ITPR1: variants seen among roughly 807,000 people sequenced by gnomAD.
The protein encoded by ITPR1 is inositol 1,4,5-trisphosphate receptor type 1.
A neutral mutation model predicts 318.4 loss-of-function variants in ITPR1; 96 were observed. The observed-to-expected ratio is 0.30, with a 90% CI of 0.26 to 0.36. ITPR1 has a LOEUF of 0.36. Among genes scored for constraint, ITPR1 ranks in the 10% least tolerant of loss-of-function variants. ITPR1 has a pLI of 1.00. For synonymous variants in ITPR1, 1,312 were observed against 1,289.9 expected (o/e 1.02, Z -0.37); for missense variants, 2,440 against 3,460.2 (o/e 0.71, Z 7.40).
intron 44 of ITPR1, among the ~76,000 whole-genome samples, chr3:4,737,484 T>G (rs2043360643): frequency 6.6e-6 from 1 of 152,068 alleles, no homozygotes; most frequent in South Asian, 2.1e-4. Flanking sequence ...CCCAGAGGTG[T>G]GAGAGCAGCA....
intron 30 of ITPR1, among the ~76,000 whole-genome samples, chr3:4,687,524 A>G (rs987958923): frequency 1.3e-5 from 2 of 152,160 alleles, no homozygotes; most frequent in Admixed American, 6.5e-5. Context: ...CCTACCTGCT[A>G]TCCTCTCTTG....
At chr3:4,499,509 G>T (rs304065) in intron 2 of ITPR1, among the ~76,000 whole-genome samples, 1 of 151,676 alleles carries the variant, frequency 6.6e-6, no homozygotes, top group Non-Finnish European at 1.5e-5. Flanking sequence ...ATAGATATTT[G>T]TAAAAAATAC....
At chr3:4,585,819 T>A (rs1004667686) in intron 4 of ITPR1, among the ~76,000 whole-genome samples, 1 of 152,158 alleles carries the variant, frequency 6.6e-6, no homozygotes, top group African/African-American at 2.4e-5. Flanking sequence ...GTGCAGAACG[T>A]GCAGTTTTGT....
At chr3:4,597,289 G>T (rs1329494642) in intron 4 of ITPR1, among the ~76,000 whole-genome samples, 1 of 152,198 alleles carries the variant, frequency 6.6e-6, no homozygotes, top group East Asian at 1.9e-4. Context: ...TTGGCTTGAA[G>T]TCAACCAGCT....
intron 60 of ITPR1, chr3:4,830,814 ACCCATCTTCTCC>A (rs1054450429): frequency 4.0e-5 from 16 of 396,702 alleles, no homozygotes; most frequent in Non-Finnish European, 7.0e-5. Flanking sequence ...TTTTTCTAGG[ACCCATCTTCTCC>A]CCCATGACCC....
chr3:4,716,073 A>G (rs1300736937), intron 39 of ITPR1, among the ~76,000 whole-genome samples: 1 of 152,216 alleles, frequency 6.6e-6, no homozygotes, highest in African/African-American at 2.4e-5. Context: ...ACATTTTTGC[A>G]TGATGCTTAT....
At chr3:4,767,896 A>T (rs962438081) in intron 45 of ITPR1, among the ~76,000 whole-genome samples, 2 of 152,212 alleles carry the variant, frequency 1.3e-5, no homozygotes. Context: ...TCCATTTTAC[A>T]GATGAGGGGA....
intron 4 of ITPR1, among the ~76,000 whole-genome samples, chr3:4,542,688 G>GGT (rs1016588056): frequency 6.6e-6 from 1 of 151,870 alleles, no homozygotes; most frequent in Non-Finnish European, 1.5e-5. Context: ...TGTGGCGGGG[G>GGT]GGTGGGTCTG....
At chr3:4,792,855 T>C (rs954239801) in intron 52 of ITPR1, among the ~76,000 whole-genome samples, 1 of 152,206 alleles carries the variant, frequency 6.6e-6, no homozygotes, top group Non-Finnish European at 1.5e-5. Flanking sequence ...GAAATTAAGA[T>C]GTACCACTTG....
At chr3:4,803,661 GA>G (rs2048379346) in intron 54 of ITPR1, among the ~76,000 whole-genome samples, 1 of 152,120 alleles carries the variant, frequency 6.6e-6, no homozygotes. Context: ...CAACTAGGTA[GA>G]AAAAATGTTC....
chr3:4,618,679 G>A (rs1176166525), intron 4 of ITPR1, among the ~76,000 whole-genome samples: 1 of 152,108 alleles, frequency 6.6e-6, no homozygotes, highest in African/African-American at 2.4e-5. Context: ...CCATGTGCCG[G>A]ATCCATCGGA....
chr3:4,766,843 G>T, intron 45 of ITPR1, 133 bp downstream of exon 45: 1 of 662,280 alleles, frequency 1.5e-6, no homozygotes. Flanking sequence ...TGCCAGCCTG[G>T]TTATGATGTA....
intron 36 of ITPR1, among the ~76,000 whole-genome samples, chr3:4,703,261 C>T (rs1293432563): frequency 6.6e-6 from 1 of 152,180 alleles, no homozygotes; most frequent in African/African-American, 2.4e-5. Context: ...TGGGAAGTCC[C>T]TCATTCAAGA....
intron 44 of ITPR1, among the ~76,000 whole-genome samples, chr3:4,751,929 C>A (rs1045070515): frequency 6.6e-6 from 1 of 152,190 alleles, no homozygotes; most frequent in Non-Finnish European, 1.5e-5. Context: ...CCTTGACCCT[C>A]CTTTTCACGG....
intron 4 of ITPR1, among the ~76,000 whole-genome samples, chr3:4,553,086 T>C (rs2085732713): frequency 6.6e-6 from 1 of 152,120 alleles, no homozygotes; most frequent in South Asian, 2.1e-4. Context: ...GAGTGCACTA[T>C]AAAGAATAGA....
chr3:4,795,296 T>A, intron 53 of ITPR1, 109 bp downstream of exon 53: 1 of 941,290 alleles, frequency 1.1e-6, no homozygotes, highest in Non-Finnish European at 1.5e-6. Flanking sequence ...GGGATCCCAG[T>A]TATCCACATT....
intron 4 of ITPR1, among the ~76,000 whole-genome samples, chr3:4,600,457 G>T (rs1490750822): frequency 2.0e-5 from 3 of 151,790 alleles, no homozygotes; most frequent in Non-Finnish European, 1.5e-5. Context: ...GCTCGGAAAG[G>T]GTACCATCTC....
chr3:4,530,275 A>C (rs571364716), intron 4 of ITPR1, among the ~76,000 whole-genome samples: 1 of 152,188 alleles, frequency 6.6e-6, no homozygotes, highest in Non-Finnish European at 1.5e-5. Flanking sequence ...CTTGCCCTGC[A>C]CTCCTGGCCC....
At chr3:4,562,951 G>T (rs2086831040) in intron 4 of ITPR1, among the ~76,000 whole-genome samples, 1 of 151,888 alleles carries the variant, frequency 6.6e-6, no homozygotes, top group South Asian at 2.1e-4. Flanking sequence ...CAGCATGACT[G>T]GGGGTGGGAT....
Sources: gnomAD v4.1 joint callset for allele counts (sites outside exome capture counted in the v4.1 genomes callset) on GRCh38, gnomAD v4.1.1 for gene constraint, MANE v1.5 for transcripts, NCBI Gene and HGNC (gene_info 2026-07-23, HGNC 2026-07-21) for gene names.